The following PHC3 variants were observed in gnomAD, a reference collection of about 807,000 sequenced individuals.
The protein encoded by PHC3 is polyhomeotic-like protein 3.
PHC3 carries 13 observed loss-of-function variants against 107.4 expected under a neutral mutation model. The ratio of observed to expected loss-of-function variants is 0.12; its 90% CI spans 0.08 to 0.19. The LOEUF is 0.19. Among genes scored for constraint, PHC3 ranks in the 10% least tolerant of loss-of-function variants. The pLI, the probability that PHC3 is intolerant of heterozygous loss-of-function variation, is 1.00. For missense variants in PHC3, 992 were observed against 1,210.9 expected (o/e 0.82, Z 2.68); for synonymous variants, 456 against 427.4 (o/e 1.07, Z -0.83).
In PHC3 at chr3:170,165,668, T is replaced by C. The variant is rs570506743; in HGVS notation, c.414+5705A>G. ...ACTTGGGAGGGTGAGGCATGAGAAC[T>C]GCTTGAACCCAGGAGGTGGAAGTTG... On this transcript the variant is annotated intron_variant, in intron 4 of 14. Coordinates refer to ENST00000495893, the MANE Select transcript of PHC3 (RefSeq NM_024947.4). Among the ~76,000 whole-genome samples, 143 of 146,392 alleles carry C rather than the reference T, an allele frequency of 9.8e-4. 1 individual carries two copies. The highest frequency in any genetic ancestry group is 3.4e-3 in the African/African-American group (132 of 39,332).
intron 6 of PHC3, among the ~76,000 whole-genome samples, chr3:170,143,231 C>T (rs1025038491): frequency 2.0e-5 from 3 of 152,000 alleles, no homozygotes; most frequent in Non-Finnish European, 2.9e-5. Flanking sequence ...ATGATCATTA[C>T]TTCAACATAT....
intron 9 of PHC3, 86 bp from the exon 10 acceptor site, chr3:170,117,562 C>T (rs1319618183): frequency 2.9e-5 from 39 of 1,355,746 alleles, no homozygotes; most frequent in Non-Finnish European, 3.7e-5. Context: ...TAAATAATAA[C>T]AACAGTTAAT....
At chr3:170,176,797 G>T in intron 2 of PHC3, 1 of 417,310 alleles carries the variant, frequency 2.4e-6, no homozygotes, top group South Asian at 1.7e-5. Flanking sequence ...CACAGTTCTA[G>T]ATACTTCATT....
At chr3:170,111,488 G>A (rs548699187) in intron 11 of PHC3, among the ~76,000 whole-genome samples, 1 of 152,096 alleles carries the variant, frequency 6.6e-6, no homozygotes, top group South Asian at 2.1e-4. Flanking sequence ...GAAGGGTGGG[G>A]GTTAGGAATG....
intron 10 of PHC3, among the ~76,000 whole-genome samples, chr3:170,115,877 T>TCA (rs148039100): frequency 0.058 from 8,583 of 148,518 alleles, 320 homozygotes; most frequent in African/African-American, 0.11. Context: ...TCCAAGTTTC[T>TCA]CACACACACA....
In PHC3 at chr3:170,128,975, C is replaced by T. The variant is rs1432782935; in HGVS notation, c.1497G>A (p.Gln499=). Residue 499 remains glutamine (Q), a synonymous_variant, in exon 8 of 15, where the codon CAG becomes CAA. Transcript: ENST00000495893. The part of the protein sequence containing the change: ...PGQQIVSPSH[Q]QYSSLQSSPI... ...GAGAGGACTGCAGGGATGAATATTG[C>T]TGGTGTGATGGAGAGACAATCTGCT... 1.2e-6 allele frequency: 2 copies of T among 1,613,868 alleles called. No homozygotes were observed. Among genetic ancestry groups the T allele is most frequent in the Middle Eastern group, 1.6e-4 (1 of 6,062 alleles).
intron 4 of PHC3, among the ~76,000 whole-genome samples, chr3:170,153,462 C>A (rs1373249311): frequency 1.3e-5 from 2 of 152,048 alleles, no homozygotes; most frequent in Admixed American, 6.6e-5. Context: ...ATATTAATTA[C>A]CCATTTAAGA....
chr3:170,098,707 T>G (rs1265462626), intron 14 of PHC3, among the ~76,000 whole-genome samples: 1 of 152,210 alleles, frequency 6.6e-6, no homozygotes, highest in African/African-American at 2.4e-5. Context: ...TTTCTCTTGC[T>G]TATTTCTTTT....
At chr3:170,123,362 C>CACACACAG (rs1553787177) in intron 8 of PHC3, among the ~76,000 whole-genome samples, 2 of 151,794 alleles carry the variant, frequency 1.3e-5, no homozygotes, top group African/African-American at 4.8e-5. Flanking sequence ...TGCATACACA[C>CACACACAG]ACACACACAC....
intron 9 of PHC3, among the ~76,000 whole-genome samples, chr3:170,119,532 T>C (rs1169369032): frequency 6.6e-6 from 1 of 152,098 alleles, no homozygotes; most frequent in Admixed American, 6.5e-5. Flanking sequence ...ACATAAGTTG[T>C]AAAAATCGAA....
intron 2 of PHC3, among the ~76,000 whole-genome samples, chr3:170,176,478 G>T (rs1276007566): frequency 1.3e-5 from 2 of 152,124 alleles, no homozygotes; most frequent in African/African-American, 4.8e-5. Flanking sequence ...TTTCAGGGTG[G>T]ATGCAATTAT....
At chr3:170,105,388 C>T (rs1483944817) in intron 12 of PHC3, among the ~76,000 whole-genome samples, 1 of 152,102 alleles carries the variant, frequency 6.6e-6, no homozygotes. Context: ...GAGGAAAACA[C>T]TTCTATTATT....
chr3:170,181,590 CTCTT>C (rs1731446054), intron 1 of PHC3, 108 bp downstream of exon 1: 6 of 1,525,322 alleles, frequency 3.9e-6, no homozygotes, highest in East Asian at 4.5e-5. Flanking sequence ...TCTCGAGTCT[CTCTT>C]TCCCCACACT....
At chr3:170,128,541 A>G in intron 8 of PHC3, 143 bp downstream of exon 8, 1 of 1,194,796 alleles carries the variant, frequency 8.4e-7, no homozygotes, top group Non-Finnish European at 1.1e-6. Context: ...CCCATACAGC[A>G]TGTTTGTCAG....
At chr3:170,175,630 A>AC (rs886822356) in intron 2 of PHC3, among the ~76,000 whole-genome samples, 1 of 151,334 alleles carries the variant, frequency 6.6e-6, no homozygotes, top group Non-Finnish European at 1.5e-5. Context: ...GAAGAAAAAA[A>AC]AAAAAAGGGG....
chr3:170,134,283 C>T (rs188263602), intron 7 of PHC3, among the ~76,000 whole-genome samples: 70 of 152,048 alleles, frequency 4.6e-4, no homozygotes, highest in African/African-American at 1.6e-3. Flanking sequence ...TCCACCTCCC[C>T]GGTTCAAGTA....
At position 170,097,064 on chromosome 3, in the gene PHC3, G is replaced by T; in HGVS notation, c.*166C>A. The T allele has an allele frequency of 1.9e-6, 1 of 534,340 alleles. No individual in the cohort carries two copies. Among genetic ancestry groups the T allele is most frequent in the Admixed American group, 3.1e-5 (1 of 32,168 alleles). 33.1% of individuals were successfully genotyped at this position (534,340 alleles called of 1,614,324 possible). On this transcript the variant is annotated 3_prime_UTR_variant, in exon 15 of 15. Transcript: ENST00000495893. The surrounding 1 kb of genome is among the most constrained non-coding windows in gnomAD (Gnocchi z 4.1). ...TTTATTAATTATGAAAATGCATGAT[G>T]AATTATTATACCTGTAGAAGAAATG...
intron 9 of PHC3, among the ~76,000 whole-genome samples, chr3:170,117,985 C>T (rs991935143): frequency 3.9e-5 from 6 of 152,166 alleles, no homozygotes; most frequent in African/African-American, 1.2e-4. Flanking sequence ...TGCACTCCAG[C>T]CTGGGCGACA....
intron 14 of PHC3, chr3:170,102,066 A>C (rs1038077931): frequency 1.2e-6 from 1 of 864,736 alleles, no homozygotes; most frequent in Non-Finnish European, 1.4e-6. Context: ...AAAAAGAAAA[A>C]AGTCTCTCTT....
Sources: allele counts gnomAD v4.1 joint callset (sites outside exome capture counted in the v4.1 genomes callset), GRCh38; gene constraint gnomAD v4.1.1; non-coding constraint Gnocchi (gnomAD v3.1); transcripts MANE v1.5; gene names NCBI Gene and HGNC (gene_info 2026-07-23, HGNC 2026-07-21).